NFKBIA: variants seen among roughly 807,000 people sequenced by gnomAD.
NFKBIA encodes NF-kappa-B inhibitor alpha.
NFKBIA carries 10 observed loss-of-function variants against 36.3 expected under a neutral mutation model. That is an observed-to-expected ratio of 0.28 (90% CI 0.17 to 0.47). The LOEUF (loss-of-function observed/expected upper bound fraction) is 0.47, where lower values mean the gene tolerates loss of function less well. Ranked by LOEUF, NFKBIA falls within the 20% of genes least tolerant of loss-of-function variation. The pLI is 0.99. For synonymous variants in NFKBIA, 205 were observed against 164.4 expected, an observed-to-expected ratio of 1.25 and a Z score of -1.89; for missense variants, 355 against 399.3, an observed-to-expected ratio of 0.89 and a Z score of 0.94.
At chr14:35,404,232 G>A (rs1462828404) in intron 1 of NFKBIA, 186 bp downstream of exon 1, 4 of 343,160 alleles carry the variant, frequency 1.2e-5, no homozygotes, top group African/African-American at 2.2e-5. Context: ...GAGTTGGGCC[G>A]GTGCCCCGCG....
At position 35,402,518 on chromosome 14, in the gene NFKBIA, G is replaced by A; in HGVS notation, c.782C>T (p.Pro261Leu). The A allele has an allele frequency of 6.2e-7, 1 of 1,614,204 alleles. No homozygotes were observed. The highest frequency in any genetic ancestry group is 8.5e-7 in the Non-Finnish European group (1 of 1,180,034). Reference sequence around the variant, plus strand: ...CAGCTGCTGCTGTATCCGGGTGCTTGGGCGGCCCCAGGTGAGCTGGTAGGG... The same window carrying A: ...CAGCTGCTGCTGTATCCGGGTGCTTAGGCGGCCCCAGGTGAGCTGGTAGGG... ...YSPYQLTWGR[P>L]STRIQQQLGQ... Residue 261 changes from proline to leucine, a missense_variant, in exon 5 of 6, where the codon CCA (proline) becomes CTA (leucine). Physicochemically the swap from Pro to Leu is moderately conservative, Grantham distance 98. Transcript: ENST00000216797.
chr14:35,403,295 G>A lies in NFKBIA; in HGVS notation c.402C>T (p.Gly134=), dbSNP rs1204110940. ...GAAAGTCTCGGAGCTCAGGATCACA[G>A]CCAGCTCCCAGAAGTGCCTCAGCAA... ...PEIAEALLGA[G]CDPELRDFRG... The change falls in exon 3 of 6, where the codon GGC becomes GGT. Residue 134 remains glycine, a synonymous_variant. Coordinates refer to ENST00000216797, the MANE Select transcript of NFKBIA (RefSeq NM_020529.3). 6.2e-7 allele frequency: 1 copy of A among 1,613,934 alleles called. No homozygotes were observed. Among genetic ancestry groups the A allele is most frequent in the Non-Finnish European group, 8.5e-7 (1 of 1,180,036 alleles).
rs2138832179 is a variant in NFKBIA at position 35,403,352 on chromosome 14, G to C, written c.345C>G (p.Leu115=). The C allele has an allele frequency of 6.2e-7, 1 of 1,614,052 alleles. No individual in the cohort carries two copies. The highest frequency in any genetic ancestry group is 8.5e-7 in the Non-Finnish European group (1 of 1,180,024). ...GCTGGTTGGTGATCACAGCCAAGTG[G>C]AGTGGAGTCTACGAATGCAAGAGAG... ...NFQNNLQQTP[L]HLAVITNQPE... The change falls in exon 3 of 6, where the codon CTC becomes CTG. Residue 115 remains leucine (L), a synonymous_variant. Transcript: ENST00000216797.
chr14:35,402,236 G>GTAAGCTATTAAAAAAAGGA (rs1555342770), intron 5 of NFKBIA, among the ~76,000 whole-genome samples, 158 bp downstream of exon 5: 1 of 21,026 alleles, frequency 4.8e-5, no homozygotes, highest in African/African-American at 1.2e-4. Context: ...TAAAAAAAGA[G>GTAAGCTATTAAAAAAAGGA]GGGGGGCAGG....
rs143798499 is a variant in NFKBIA, at chr14:35,404,459, G to T, written c.186C>A (p.Gly62=). 2 of 1,594,006 alleles carry T rather than the reference G, an allele frequency of 1.3e-6. No homozygotes were observed. The highest frequency in any genetic ancestry group is 1.7e-6 in the Non-Finnish European group (2 of 1,170,500). Residue 62 remains glycine, a synonymous_variant, in exon 1 of 6, where the codon GGC becomes GGA. Coordinates refer to ENST00000216797, the MANE Select transcript of NFKBIA (RefSeq NM_020529.3). The part of the protein sequence containing the change: ...IRLEPQEVPR[G]SEPWKQQLTE... ...TGAGCTGCTGCTTCCAGGGCTCCGA[G>T]CCGCGCGGCACCTCCTGCGGCTCGA...
In NFKBIA at chr14:35,404,698, G is replaced by A. The variant is rs2052772698; in HGVS notation, c.-54C>T. On this transcript the variant is annotated 5_prime_UTR_variant, in exon 1 of 6. Coordinates refer to ENST00000216797, the MANE Select transcript of NFKBIA (RefSeq NM_020529.3). ...GGGTGCGCTGGGCCGCGGGCTGCGCGCTGCTTCCTCGCTGGGGCGCTGGCG... is the reference window on the plus strand; with the variant it reads ...GGGTGCGCTGGGCCGCGGGCTGCGCACTGCTTCCTCGCTGGGGCGCTGGCG... The A allele has an allele frequency of 8.0e-7, 1 of 1,253,900 alleles. No homozygotes were observed. The highest frequency in any genetic ancestry group is 1.0e-6 in the Non-Finnish European group (1 of 974,794). 77.7% of individuals were successfully genotyped at this position (1,253,900 alleles called of 1,614,324 possible).
chr14:35,402,235 A>AG (rs1555342771), intron 5 of NFKBIA, among the ~76,000 whole-genome samples, 159 bp downstream of exon 5: 29 of 148,944 alleles, frequency 1.9e-4, no homozygotes, highest in Non-Finnish European at 1.0e-4. Flanking sequence ...TTAAAAAAAG[A>AG]GGGGGGGCAG....
chr14:35,402,679 A>G lies in NFKBIA; in HGVS notation c.637-16T>C. ...TACAGGGCTCCTGAAACCAAAAGGA[A>G]TTTGAGATGCTTATGGCTGCATTTG... On this transcript the variant is annotated splice_polypyrimidine_tract_variant and intron_variant, in intron 4 of 5. Coordinates refer to ENST00000216797, the MANE Select transcript of NFKBIA (RefSeq NM_020529.3). 1 of 1,614,230 alleles carries G rather than the reference A, an allele frequency of 6.2e-7. No individual in the cohort carries two copies. The highest frequency in any genetic ancestry group is 1.1e-5 in the South Asian group (1 of 91,084).
chr14:35,401,984 A>C lies in NFKBIA; in HGVS notation c.*29T>G. 1 of 1,612,098 alleles carries C rather than the reference A, an allele frequency of 6.2e-7. No individual in the cohort carries two copies. Among genetic ancestry groups the C allele is most frequent in the South Asian group, 1.1e-5 (1 of 91,026 alleles). On this transcript the variant is annotated 3_prime_UTR_variant, in exon 6 of 6. Coordinates refer to ENST00000216797, the MANE Select transcript of NFKBIA (RefSeq NM_020529.3). ...AAACTTTTTTTTTGTACAAATATAC[A>C]AGTCCATGTTCTTTCAGCCCCTTTG...
rs1332791939 is a variant in NFKBIA at position 35,404,679 on chromosome 14, G to C, written c.-35C>G. On this transcript the variant is annotated 5_prime_UTR_variant, in exon 1 of 6. Transcript: ENST00000216797. ...GAGCTGCGGGCGCTGCTGCGGGTGCGCTGGGCCGCGGGCTGCGCGCTGCTT... is the reference window on the plus strand; with the variant it reads ...GAGCTGCGGGCGCTGCTGCGGGTGCCCTGGGCCGCGGGCTGCGCGCTGCTT... 7.3e-7 allele frequency: 1 copy of C among 1,378,266 alleles called. No homozygotes were observed. The highest frequency in any genetic ancestry group is 1.5e-5 in the African/African-American group (1 of 65,848). 85.4% of individuals were successfully genotyped at this position (1,378,266 alleles called of 1,614,324 possible). A position where few individuals can be genotyped will look rare whatever the true frequency, so the allele number is the denominator to read the frequency against.
At chr14:35,403,478 G>T (rs2052750748) in intron 2 of NFKBIA, 118 bp from the exon 3 acceptor site, 1 of 1,165,350 alleles carries the variant, frequency 8.6e-7, no homozygotes, top group Non-Finnish European at 1.3e-6. Flanking sequence ...GGGTGGGGAG[G>T]GCTGGCAAAT....
chr14:35,403,618 G>T, intron 2 of NFKBIA, 72 bp downstream of exon 2: 2 of 1,107,994 alleles, frequency 1.8e-6, no homozygotes, highest in South Asian at 1.3e-5. Context: ...ATTCAGAAAG[G>T]ATCTGGGGTG....
chr14:35,403,647 C>T (rs1442388099), intron 2 of NFKBIA, 43 bp downstream of exon 2: 7 of 1,403,296 alleles, frequency 5.0e-6, no homozygotes, highest in East Asian at 2.3e-5. Context: ...ACATCAGCTA[C>T]GTCCCAGGGT....
intron 3 of NFKBIA, 116 bp from the exon 4 acceptor site, chr14:35,402,975 G>T: frequency 7.8e-7 from 1 of 1,281,606 alleles, no homozygotes; most frequent in South Asian, 1.2e-5. Flanking sequence ...CACAGTCTGG[G>T]TTCTGAAAGA....
Position 35,404,742 on chromosome 14 carries a change from A to T in NFKBIA, c.-98T>A. ...GCTGGCGGGCGGGACGGCGGCACGG[A>T]CTGCTGTGGGCTCTGCAGCGCCGCC... On this transcript the variant is annotated 5_prime_UTR_variant, in exon 1 of 6. Transcript: ENST00000216797. 3 of 805,116 alleles carry T rather than the reference A, an allele frequency of 3.7e-6. No individual in the cohort carries two copies. The highest frequency in any genetic ancestry group is 5.2e-6 in the Non-Finnish European group (3 of 579,182). The allele number at this position is 805,116 out of a possible 1,614,324, so 49.9% of individuals were successfully genotyped here.
At chr14:35,404,158 G>A (rs1469901854) in intron 1 of NFKBIA, 2 of 334,228 alleles carry the variant, frequency 6.0e-6, no homozygotes, top group Non-Finnish European at 5.5e-6. Context: ...CCTAGAGGAC[G>A]GGTCTGGGGG....
intron 1 of NFKBIA, 137 bp downstream of exon 1, chr14:35,404,281 G>A (rs2052764282): frequency 3.9e-6 from 2 of 517,890 alleles, no homozygotes; most frequent in African/African-American, 2.1e-5. Context: ...CGGTGCAGGA[G>A]CCCCGGGGTG....
rs1877993698 is a variant in NFKBIA at position 35,403,038 on chromosome 14, CA to C, written c.547+111del. 41 of 1,366,540 alleles carry C rather than the reference CA, an allele frequency of 3.0e-5. 2 individuals are homozygous for C. In the South Asian group the frequency reaches 4.9e-4, roughly 16 times the overall value. 84.7% of individuals were successfully genotyped at this position (1,366,540 alleles called of 1,614,324 possible). On this transcript the variant is annotated intron_variant, in intron 3 of 5. Transcript: ENST00000216797. Reference sequence around the variant, plus strand: ...TTGCACACATATTTTCTCAACCTTCCAAATGTTAGGAGTTTAAGCTCTTGCC... The same window carrying C: ...TTGCACACATATTTTCTCAACCTTCCAATGTTAGGAGTTTAAGCTCTTGCC...
intron 2 of NFKBIA, 121 bp from the exon 3 acceptor site, chr14:35,403,481 T>G: frequency 8.9e-7 from 1 of 1,126,900 alleles, no homozygotes; most frequent in Non-Finnish European, 1.3e-6. Flanking sequence ...TGGGGAGGGC[T>G]GGCAAATAGC....
Sources: gnomAD v4.1 joint callset for allele counts (sites outside exome capture counted in the v4.1 genomes callset) on GRCh38, gnomAD v4.1.1 for gene constraint, MANE v1.5 for transcripts, NCBI Gene and HGNC (gene_info 2026-07-23, HGNC 2026-07-21) for gene names.